CCDC136: variants seen among roughly 807,000 people sequenced by gnomAD.
CCDC136 encodes coiled-coil domain containing 136, also known as coiled-coil domain-containing protein 136.
A neutral mutation model predicts 141.2 loss-of-function variants in CCDC136; 100 were observed. That is an observed-to-expected ratio of 0.71 (90% CI 0.60 to 0.84). CCDC136 has a LOEUF of 0.84. Ranked by LOEUF, CCDC136 falls within the 40% of genes least tolerant of loss-of-function variation. The pLI, the probability that CCDC136 is intolerant of heterozygous loss-of-function variation, is 0.00. For missense variants in CCDC136, 1,206 were observed against 1,379.4 expected, an observed-to-expected ratio of 0.87 and a Z score of 1.99; for synonymous variants, 474 against 531.9, an observed-to-expected ratio of 0.89 and a Z score of 1.50.
At chr7:128,792,838 G>A (rs1562898210) in intron 1 of CCDC136, among the ~76,000 whole-genome samples, 1 of 152,232 alleles carries the variant, frequency 6.6e-6, no homozygotes, top group African/African-American at 2.4e-5. Flanking sequence ...CATTAACTTC[G>A]AATGGAAGCC....
intron 4 of CCDC136, among the ~76,000 whole-genome samples, chr7:128,802,344 A>G (rs1054581790): frequency 6.6e-6 from 1 of 152,162 alleles, no homozygotes. Context: ...GAGGCAATCA[A>G]CAAGGAATCA....
rs767902199 is a variant in CCDC136, at chr7:128,794,684, C to T, written c.272-10C>T. On this transcript the variant is annotated splice_polypyrimidine_tract_variant and intron_variant, in intron 2 of 17. Transcript: ENST00000297788. The surrounding 1 kb of genome is among the most constrained non-coding windows in gnomAD (Gnocchi z 4.3). ...ATCCGAGCTTGACACTGGTGCCCCT[C>T]TCCCTGCAGGGCTCCTGGAGGATGA... 3 of 1,549,756 alleles carry T rather than the reference C, an allele frequency of 1.9e-6. No individual in the cohort carries two copies. The highest frequency in any genetic ancestry group is 4.9e-5 in the East Asian group (2 of 40,878).
intron 3 of CCDC136, among the ~76,000 whole-genome samples, chr7:128,799,203 G>T: frequency 6.8e-6 from 1 of 146,642 alleles, no homozygotes; most frequent in South Asian, 2.2e-4. Context: ...AAAAAGCAGG[G>T]CATGGTAGCC....
At position 128,805,965 on chromosome 7, in the gene CCDC136, A is replaced by C; in HGVS notation, c.1089+64A>C. On this transcript the variant is annotated intron_variant, in intron 7 of 17. Transcript: ENST00000297788. The surrounding 1 kb of genome is among the most constrained non-coding windows in gnomAD (Gnocchi z 4.6). ...AAGGGCCTCATGGAGGGGCTGCTTC[A>C]ACCGGGGTGGGCACAGTGAGTATGG... 2 of 1,587,410 alleles carry C rather than the reference A, an allele frequency of 1.3e-6. No homozygotes were observed. Among genetic ancestry groups the C allele is most frequent in the South Asian group, 2.2e-5 (2 of 89,298 alleles).
At chr7:128,797,171 G>C (rs1803163065) in intron 3 of CCDC136, among the ~76,000 whole-genome samples, 2 of 152,192 alleles carry the variant, frequency 1.3e-5, no homozygotes, top group African/African-American at 4.8e-5. Context: ...AATTGGGAAA[G>C]ACTTGGCAAG....
At chr7:128,791,585 C>T, upstream of CCDC136, 1 of 1,222,910 alleles carries the variant, frequency 8.2e-7, no homozygotes, top group South Asian at 3.5e-5. This position sits in a 1 kb window ranked among gnomAD's most constrained non-coding sequence, Gnocchi z 7.1. Context: ...TGTCTACCGC[C>T]CCTCCTTTCT....
intron 17 of CCDC136, among the ~76,000 whole-genome samples, chr7:128,820,496 C>T (rs1807297835): frequency 6.6e-6 from 1 of 152,198 alleles, no homozygotes; most frequent in South Asian, 2.1e-4. Context: ...GATTTCAGCT[C>T]CTCCCTCCTT....
At chr7:128,816,050 A>G (rs1806582787) in intron 16 of CCDC136, 119 bp downstream of exon 16, 6 of 943,644 alleles carry the variant, frequency 6.4e-6, no homozygotes, top group Non-Finnish European at 1.6e-6. Context: ...CTCGCGCTCT[A>G]AGGCACAACC....
rs1285183609 is a variant in CCDC136 at position 128,821,803 on chromosome 7, T to C, written c.*10T>C. On this transcript the variant is annotated 3_prime_UTR_variant, in exon 18 of 18. Coordinates refer to ENST00000297788, the MANE Select transcript of CCDC136 (RefSeq NM_022742.5). The surrounding 1 kb of genome is among the most constrained non-coding windows in gnomAD (Gnocchi z 5.1). The stretch of plus-strand genomic sequence containing the variant: ...GTTTCTCTTTGGTCCCCACAGAACA[T>C]GTTTGGGTTGTGGAAGCCTATGGTA... 7.7e-7 allele frequency: 1 copy of C among 1,290,454 alleles called. No individual in the cohort carries two copies. Among genetic ancestry groups the C allele is most frequent in the East Asian group, 5.5e-5 (1 of 18,026 alleles). The allele number at this position is 1,290,454 out of a possible 1,614,324, so 79.9% of individuals were successfully genotyped here. A position where few individuals can be genotyped will look rare whatever the true frequency, so the allele number is the denominator to read the frequency against.
intron 9 of CCDC136, 78 bp from the exon 10 acceptor site, chr7:128,807,282 C>A: frequency 8.7e-7 from 1 of 1,151,934 alleles, no homozygotes; most frequent in Admixed American, 3.7e-5. Context: ...GATGGGTCCC[C>A]TTAGTCCCCG....
At chr7:128,815,999 G>A in intron 16 of CCDC136, 68 bp downstream of exon 16, 1 of 1,475,592 alleles carries the variant, frequency 6.8e-7, no homozygotes, top group African/African-American at 1.4e-5. Flanking sequence ...CCGAGTTAAT[G>A]GGTGGCCCTG....
Position 128,805,877 on chromosome 7 carries a change from T to C in CCDC136, c.1065T>C (p.Phe355=), listed in dbSNP as rs768986958. The change falls in exon 7 of 18, where the codon TTT becomes TTC. Residue 355 remains phenylalanine (F), a synonymous_variant. Transcript: ENST00000297788. This position sits in a 1 kb window ranked among gnomAD's most constrained non-coding sequence, Gnocchi z 4.6. ...LKCAQNEVLR[F]QTSHSVTQNE... ...GTGCTCAGAATGAGGTGCTTCGGTT[T>C]CAGACCTCCCACAGTGTCACCCAGG... 8 of 1,613,908 alleles carry C rather than the reference T, an allele frequency of 5.0e-6. No homozygotes were observed. The South Asian group carries it at 6.6e-5, about 13-fold the overall frequency.
chr7:128,796,737 A>T lies in CCDC136; in HGVS notation c.346+1969A>T, dbSNP rs535737254. On this transcript the variant is annotated intron_variant, in intron 3 of 17. Coordinates refer to ENST00000297788, the MANE Select transcript of CCDC136 (RefSeq NM_022742.5). Reference sequence around the variant, plus strand: ...GATGATTCAGAATATATATATATATATATTCTTTTTTTTTTTTTTTTTGAG... The same window carrying T: ...GATGATTCAGAATATATATATATATTTATTCTTTTTTTTTTTTTTTTTGAG... 1.7e-3 allele frequency among the ~76,000 whole-genome samples: 197 copies of T among 119,114 alleles called. 8 individuals carry two copies. The South Asian group carries it at 0.046, about 28-fold the overall frequency. The allele number at this position is 119,114 out of a possible 152,430, so 78.1% of individuals were successfully genotyped here.
rs1804719116 is a variant in CCDC136, at chr7:128,805,676, G to A, written c.949-85G>A. The A allele has an allele frequency of 1.3e-6, 2 of 1,575,886 alleles. No individual in the cohort carries two copies. The highest frequency in any genetic ancestry group is 2.7e-5 in the African/African-American group (2 of 74,230). On this transcript the variant is annotated intron_variant, in intron 6 of 17. Coordinates refer to ENST00000297788, the MANE Select transcript of CCDC136 (RefSeq NM_022742.5). The surrounding 1 kb of genome is among the most constrained non-coding windows in gnomAD (Gnocchi z 4.6). Reference sequence around the variant, plus strand: ...GCCTGATGTAAATCTTCCAGTCAAAGAGCGCCATGCTTTCCCCAAGCTTGT... The same window carrying A: ...GCCTGATGTAAATCTTCCAGTCAAAAAGCGCCATGCTTTCCCCAAGCTTGT...
At chr7:128,809,287 A>G (rs1431796219) in intron 10 of CCDC136, 163 bp from the exon 11 acceptor site, 2 of 586,224 alleles carry the variant, frequency 3.4e-6, no homozygotes, top group Non-Finnish European at 6.1e-6. Context: ...CCCAATCGGT[A>G]TCTAAACAGC....
rs779386042 is a variant in CCDC136, at chr7:128,812,265, G to A, written c.2494G>A (p.Val832Ile). The change falls in exon 13 of 18, where the codon GTC (valine) becomes ATC (isoleucine). Residue 832 changes from valine (V) to isoleucine (I), a missense_variant. Val to Ile is a conservative substitution (Grantham distance 29). Coordinates refer to ENST00000297788, the MANE Select transcript of CCDC136 (RefSeq NM_022742.5). ...CTCTGACACCTGCCAGAAGAGTTTT[G>A]TCAGCAGCTGCACTGACGAGGAACC... The part of the protein sequence containing the change: ...SSSDTCQKSF[V>I]SSCTDEEPAE... The A allele has an allele frequency of 5.0e-6, 8 of 1,613,508 alleles. No individual in the cohort carries two copies. Among genetic ancestry groups the A allele is most frequent in the South Asian group, 1.1e-5 (1 of 90,990 alleles).
Position 128,812,797 on chromosome 7 carries a change from G to A in CCDC136, c.2631G>A (p.Leu877=). 6.2e-7 allele frequency: 1 copy of A among 1,613,580 alleles called. No individual in the cohort carries two copies. Among genetic ancestry groups the A allele is most frequent in the Non-Finnish European group, 8.5e-7 (1 of 1,179,796 alleles). ...TAAGCCAGGAGGAACACAGCCAGCT[G>A]CAAGAGCAGATGGAAAAGTTACTGG... ...YQISQEEHSQ[L]QEQMEKLLAK... The change falls in exon 14 of 18, where the codon CTG becomes CTA. Residue 877 remains leucine (L), a synonymous_variant. Transcript: ENST00000297788.
intron 3 of CCDC136, among the ~76,000 whole-genome samples, chr7:128,795,741 T>C (rs1200939583): frequency 3.9e-5 from 6 of 152,170 alleles, no homozygotes; most frequent in Non-Finnish European, 8.8e-5. Flanking sequence ...AAGTCACTTA[T>C]CTTTCTGAGA....
chr7:128,817,144 C>T lies in CCDC136; in HGVS notation c.3364-614C>T, dbSNP rs1171975534. ...TATATATGGAGAGATCCCTTTGCCC[C>T]GTGGGTCCTGCGTCTTTTGCAGGCA... On this transcript the variant is annotated intron_variant, in intron 16 of 17. Coordinates refer to ENST00000297788, the MANE Select transcript of CCDC136 (RefSeq NM_022742.5). This position sits in a 1 kb window ranked among gnomAD's most constrained non-coding sequence, Gnocchi z 4.6. Among the ~76,000 whole-genome samples the T allele has an allele frequency of 3.3e-5, 5 of 152,294 alleles. No homozygotes were observed. Among genetic ancestry groups the T allele is most frequent in the Non-Finnish European group, 7.3e-5 (5 of 68,030 alleles).
Sources: gnomAD v4.1 joint callset for allele counts (sites outside exome capture counted in the v4.1 genomes callset) on GRCh38, gnomAD v4.1.1 for gene constraint, Gnocchi (gnomAD v3.1) non-coding constraint, MANE v1.5 for transcripts, NCBI Gene and HGNC (gene_info 2026-07-23, HGNC 2026-07-21) for gene names.